Variants in IL4I1 observed in about 807,000 individuals in gnomAD.
IL4I1 encodes L-amino-acid oxidase.
IL4I1 carries 24 observed loss-of-function variants against 29.7 expected under a neutral mutation model. The ratio of observed to expected loss-of-function variants is 0.81; its 90% CI spans 0.59 to 1.14. The LOEUF is 1.14. IL4I1 is among the 50% of genes most tolerant of loss of function. The pLI is 0.00. For missense variants in IL4I1, 686 were observed against 785.6 expected, an observed-to-expected ratio of 0.87 and a Z score of 1.52; for synonymous variants, 371 against 352.5, an observed-to-expected ratio of 1.05 and a Z score of -0.59.
rs141577407 is a variant in IL4I1 at position 49,891,071 on chromosome 19, C to T, written c.673G>A (p.Ala225Thr). The change falls in exon 7 of 8, where the codon GCC becomes ACC. Residue 225 changes from alanine to threonine, a missense_variant. Ala to Thr is a moderately conservative substitution (Grantham distance 58). Transcript: ENST00000391826. ...ATCACGTCTCCCAGAAGCTGCACGG[C>T]CGGCCGGCTCAGGTTCCCCTCCCCG... ...LLGEGNLSRPAVQLLGDVMSE... is the reference protein window; with the variant it reads ...LLGEGNLSRPTVQLLGDVMSE... The T allele has an allele frequency of 2.8e-5, 45 of 1,613,514 alleles. No homozygotes were observed. Among genetic ancestry groups the T allele is most frequent in the Non-Finnish European group, 2.6e-5 (31 of 1,179,962 alleles).
chr19:49,912,084 T>C (rs1039548280), intron 2 of IL4I1, among the ~76,000 whole-genome samples: 1 of 152,198 alleles, frequency 6.6e-6, no homozygotes, highest in Admixed American at 6.5e-5. Context: ...AAGAAGAGCA[T>C]TTATAAAAAG....
intron 2 of IL4I1, among the ~76,000 whole-genome samples, chr19:49,925,812 T>C (rs2075872898): frequency 6.6e-6 from 1 of 152,220 alleles, no homozygotes; most frequent in Non-Finnish European, 1.5e-5. Flanking sequence ...TGTAAAATGT[T>C]AATGGAAAAA....
intron 2 of IL4I1, chr19:49,909,221 G>A (rs773968529): frequency 1.9e-6 from 3 of 1,613,976 alleles, no homozygotes; most frequent in African/African-American, 1.3e-5. Context: ...TGTGGTGGCT[G>A]CTGGCGTGGC....
intron 2 of IL4I1, among the ~76,000 whole-genome samples, chr19:49,910,686 C>G (rs774883537): frequency 1.4e-5 from 2 of 137,938 alleles, no homozygotes; most frequent in Non-Finnish European, 1.5e-5. Flanking sequence ...TGGGACATCA[C>G]GGGAGACCAT....
intron 7 of IL4I1, 36 bp downstream of exon 7, chr19:49,890,935 C>A: frequency 2.3e-6 from 1 of 436,126 alleles, no homozygotes; most frequent in Non-Finnish European, 3.8e-6. Flanking sequence ...GATTGCCCCC[C>A]GCCCCCCCCC....
rs967937148 is a variant in IL4I1, at chr19:49,894,433, G to A, written c.402C>T (p.Asn134=). Residue 134 remains asparagine, a synonymous_variant, in exon 5 of 8, where the codon AAC becomes AAT. Coordinates refer to ENST00000391826, the MANE Select transcript of IL4I1 (RefSeq NM_152899.2). ...TGTCGTACTGGGTGAACTTGGTCAG[G>A]TTGAGCCCCAGGCCCTGGCAGAGCT... The part of the protein sequence containing the change: ...LHKLCQGLGL[N]LTKFTQYDKN... 1 of 1,614,200 alleles carries A rather than the reference G, an allele frequency of 6.2e-7. No individual in the cohort carries two copies. The highest frequency in any genetic ancestry group is 8.5e-7 in the Non-Finnish European group (1 of 1,180,038).
chr19:49,914,379 A>T (rs2075564404), intron 2 of IL4I1, among the ~76,000 whole-genome samples: 1 of 152,144 alleles, frequency 6.6e-6, no homozygotes, highest in Admixed American at 6.5e-5. Context: ...GCCTGTGCTC[A>T]GGGCTGGGTG....
At chr19:49,923,385 G>A (rs1024690999) in intron 2 of IL4I1, among the ~76,000 whole-genome samples, 5 of 152,204 alleles carry the variant, frequency 3.3e-5, no homozygotes, top group Non-Finnish European at 5.9e-5. Context: ...TGATGCCTAC[G>A]GAAATAGCAG....
chr19:49,907,308 CA>C, intron 2 of IL4I1: 2 of 308,120 alleles, frequency 6.5e-6, no homozygotes, highest in East Asian at 1.2e-4. Flanking sequence ...AGGTGAGGCC[CA>C]AGGTGGGGGT....
At chr19:49,915,796 G>A (rs1172979030) in intron 2 of IL4I1, among the ~76,000 whole-genome samples, 2 of 152,144 alleles carry the variant, frequency 1.3e-5, no homozygotes, top group Admixed American at 6.5e-5. Flanking sequence ...CCTGGTGCTG[G>A]GGCAACCCTG....
At chr19:49,895,038 G>C (rs2075187783) in intron 4 of IL4I1, 30 bp downstream of exon 4, 1 of 1,558,544 alleles carries the variant, frequency 6.4e-7, no homozygotes, top group Non-Finnish European at 8.8e-7. Flanking sequence ...GTTGAGTCTA[G>C]GCACACAGGT....
chr19:49,920,950 CG>C (rs2075752797), intron 2 of IL4I1, among the ~76,000 whole-genome samples: 1 of 152,110 alleles, frequency 6.6e-6, no homozygotes, highest in Non-Finnish European at 1.5e-5. Context: ...GGGCCCAGGC[CG>C]GGCTGTGGTG....
Position 49,890,075 on chromosome 19 carries a change from C to G in IL4I1, c.1299G>C (p.Gln433His). 1 of 1,548,602 alleles carries G rather than the reference C, an allele frequency of 6.5e-7. No homozygotes were observed. Among genetic ancestry groups the G allele is most frequent in the Non-Finnish European group, 8.7e-7 (1 of 1,146,970 alleles). ...TGACGACGCCGGTGCCGTCCCAGAG[C>G]TGGCGCACGACAGGCCCGTGCAATG... ...VAALHGPVVR[Q>H]LWDGTGVVKR... Residue 433 changes from glutamine (Q) to histidine (H), a missense_variant, in exon 8 of 8, where the codon CAG becomes CAC. Physicochemically the swap from Gln to His is conservative, Grantham distance 24 (BLOSUM62 0). Coordinates refer to ENST00000391826, the MANE Select transcript of IL4I1 (RefSeq NM_152899.2).
At chr19:49,901,094 C>A (rs2075267573), upstream of IL4I1, among the ~76,000 whole-genome samples, 1 of 152,112 alleles carries the variant, frequency 6.6e-6, no homozygotes. Flanking sequence ...TTAAAAGTTT[C>A]ATTGGCCAGA....
At chr19:49,891,616 A>C (rs1481657808) in intron 5 of IL4I1, 143 bp from the exon 6 acceptor site, 1 of 687,846 alleles carries the variant, frequency 1.5e-6, no homozygotes, top group Non-Finnish European at 2.6e-6. Context: ...GCTTTTGCCC[A>C]CACCATGCCC....
Position 49,891,282 on chromosome 19 carries a change from G to A in IL4I1, c.636+123C>T, listed in dbSNP as rs547873832. 451 of 1,401,348 alleles carry A rather than the reference G, an allele frequency of 3.2e-4. 1 individual carries two copies. The African/African-American group carries it at 5.9e-3, about 18-fold the overall frequency. The allele number at this position is 1,401,348 out of a possible 1,614,324, so 86.8% of individuals were successfully genotyped here. ...CAGACAGGGGGCGTGTCCAGCCCCC[G>A]GGTCAGGCAGGAAGGCGGTGGCAGG... On this transcript the variant is annotated intron_variant, in intron 6 of 7. Transcript: ENST00000391826.
intron 2 of IL4I1, among the ~76,000 whole-genome samples, chr19:49,918,182 C>T (rs1006334525): frequency 6.6e-6 from 1 of 152,012 alleles, no homozygotes; most frequent in Admixed American, 6.6e-5. Flanking sequence ...TTCTCCTGCC[C>T]TAGCCTCCCG....
chr19:49,916,241 G>A (rs905959411), intron 2 of IL4I1, among the ~76,000 whole-genome samples: 2 of 152,188 alleles, frequency 1.3e-5, no homozygotes, highest in African/African-American at 4.8e-5. Flanking sequence ...TTAAGTGTTG[G>A]CCAAGTGTGG....
intron 2 of IL4I1, among the ~76,000 whole-genome samples, chr19:49,906,472 A>G (rs1443331813): frequency 3.3e-5 from 5 of 152,190 alleles, no homozygotes; most frequent in African/African-American, 1.2e-4. Context: ...TTGGCCTCCC[A>G]AAGTGCTGGG....
Sources: gnomAD v4.1 joint callset for allele counts (sites outside exome capture counted in the v4.1 genomes callset) on GRCh38, gnomAD v4.1.1 for gene constraint, MANE v1.5 for transcripts, NCBI Gene and HGNC (gene_info 2026-07-23, HGNC 2026-07-21) for gene names.